Variants in LRFN5 observed in about 807,000 individuals in gnomAD.
LRFN5 encodes leucine-rich repeat and fibronectin type-III domain-containing protein 5.
Under a neutral mutation model 45.6 loss-of-function variants are expected in LRFN5, and 24 were observed. The ratio of observed to expected loss-of-function variants is 0.53; its 90% CI spans 0.38 to 0.74. The LOEUF (loss-of-function observed/expected upper bound fraction) is 0.74, where lower values mean the gene tolerates loss of function less well. Ranked by LOEUF, LRFN5 falls within the 30% of genes least tolerant of loss-of-function variation. The probability of loss-of-function intolerance (pLI) is 0.00; values close to 1 mark genes in which losing one functional copy is unlikely to be tolerated. For missense variants in LRFN5, 776 were observed against 861.5 expected (o/e 0.90, Z 1.24); for synonymous variants, 340 against 313.8 (o/e 1.08, Z -0.88).
At chr14:41,621,389 A>C (rs1233991891) in intron 1 of LRFN5, among the ~76,000 whole-genome samples, 1 of 152,092 alleles carries the variant, frequency 6.6e-6, no homozygotes, top group Non-Finnish European at 1.5e-5. Flanking sequence ...GCTGAATTTA[A>C]ATGGAGTTAG....
intron 5 of LRFN5, among the ~76,000 whole-genome samples, chr14:41,902,838 A>G (rs1891142694): frequency 6.6e-6 from 1 of 151,752 alleles, no homozygotes; most frequent in East Asian, 1.9e-4. Context: ...CACTTGAAAT[A>G]TAAAAAGAGA....
intron 1 of LRFN5, among the ~76,000 whole-genome samples, chr14:41,756,882 G>A (rs892600129): frequency 2.0e-5 from 3 of 152,110 alleles, no homozygotes; most frequent in African/African-American, 7.2e-5. Context: ...CCGCATCTTT[G>A]TGGTTTTATC....
chr14:41,786,943 T>G (rs1886743995), intron 2 of LRFN5, among the ~76,000 whole-genome samples: 1 of 152,092 alleles, frequency 6.6e-6, no homozygotes, highest in African/African-American at 2.4e-5. Context: ...TGTTTTTCAT[T>G]TTGCATATTG....
intron 2 of LRFN5, among the ~76,000 whole-genome samples, chr14:41,809,645 A>C (rs1887672337): frequency 6.6e-6 from 1 of 151,724 alleles, no homozygotes; most frequent in Admixed American, 6.6e-5. Flanking sequence ...CTAATATTTT[A>C]AATATATGTT....
At chr14:41,776,454 A>G (rs1886296340) in intron 2 of LRFN5, among the ~76,000 whole-genome samples, 1 of 152,164 alleles carries the variant, frequency 6.6e-6, no homozygotes. Context: ...TATGCGAATA[A>G]CACAGAGATA....
intron 2 of LRFN5, among the ~76,000 whole-genome samples, chr14:41,782,557 T>C (rs932017536): frequency 6.6e-6 from 1 of 152,200 alleles, no homozygotes; most frequent in African/African-American, 2.4e-5. Flanking sequence ...CTCTTTAAAC[T>C]GTTTCTCTTG....
At chr14:41,852,152 G>T (rs1453422126) in intron 2 of LRFN5, among the ~76,000 whole-genome samples, 1 of 151,558 alleles carries the variant, frequency 6.6e-6, no homozygotes. Context: ...CTTCTTTTAA[G>T]ATGTTAAAAA....
chr14:41,688,428 C>G (rs996629565), intron 1 of LRFN5, among the ~76,000 whole-genome samples: 5 of 150,192 alleles, frequency 3.3e-5, no homozygotes, highest in East Asian at 3.9e-4. Flanking sequence ...GTCATGTACC[C>G]CATAAACATA....
At chr14:41,656,240 A>T (rs1051971064) in intron 1 of LRFN5, among the ~76,000 whole-genome samples, 1 of 152,006 alleles carries the variant, frequency 6.6e-6, no homozygotes, top group Non-Finnish European at 1.5e-5. Flanking sequence ...AAATTAAAAA[A>T]TATCCAGATT....
chr14:41,670,198 A>C (rs1881111932), intron 1 of LRFN5, among the ~76,000 whole-genome samples: 1 of 84,302 alleles, frequency 1.2e-5, no homozygotes, highest in Non-Finnish European at 2.1e-5. Flanking sequence ...ATATATATAC[A>C]TTCTCTGTGT....
chr14:41,785,053 C>T (rs1460391038), intron 2 of LRFN5, among the ~76,000 whole-genome samples: 1 of 151,936 alleles, frequency 6.6e-6, no homozygotes, highest in African/African-American at 2.4e-5. Context: ...AAATCTATTT[C>T]AAATAATATG....
At chr14:41,671,704 C>T (rs1481395728) in intron 1 of LRFN5, among the ~76,000 whole-genome samples, 2 of 143,744 alleles carry the variant, frequency 1.4e-5, no homozygotes, top group East Asian at 4.4e-4. Flanking sequence ...GCAACCTCTG[C>T]CTCCTGGGTT....
At chr14:41,617,443 G>A (rs1333527168) in intron 1 of LRFN5, among the ~76,000 whole-genome samples, 4 of 152,040 alleles carry the variant, frequency 2.6e-5, no homozygotes, top group African/African-American at 7.2e-5. Flanking sequence ...ACACCTAGGG[G>A]ATTGCCCTTT....
intron 1 of LRFN5, among the ~76,000 whole-genome samples, chr14:41,671,291 T>A (rs2138659477): frequency 6.6e-6 from 1 of 152,260 alleles, no homozygotes; most frequent in East Asian, 1.9e-4. Context: ...TAATGTCAAT[T>A]GCAAACTAAT....
intron 2 of LRFN5, among the ~76,000 whole-genome samples, chr14:41,869,000 T>C (rs998703081): frequency 9.2e-5 from 14 of 152,186 alleles, no homozygotes; most frequent in Non-Finnish European, 1.8e-4. Flanking sequence ...TCCATCACCA[T>C]TTAAATATGT....
At chr14:41,844,095 G>A (rs59416658) in intron 2 of LRFN5, among the ~76,000 whole-genome samples, 22,050 of 152,118 alleles carry the variant, frequency 0.14, 1,921 homozygotes, top group Non-Finnish European at 0.2. Flanking sequence ...TAGAGAAATG[G>A]AAAAGATAAC....
intron 2 of LRFN5, among the ~76,000 whole-genome samples, chr14:41,874,048 A>G (rs1169988864): frequency 6.6e-6 from 1 of 152,176 alleles, no homozygotes; most frequent in Non-Finnish European, 1.5e-5. Context: ...AACCTTTTTT[A>G]TGTCCTTTCA....
intron 1 of LRFN5, among the ~76,000 whole-genome samples, chr14:41,719,906 A>G (rs906067722): frequency 6.6e-6 from 1 of 152,016 alleles, no homozygotes; most frequent in Non-Finnish European, 1.5e-5. Flanking sequence ...TCATATATGT[A>G]TATCTGAACT....
chr14:41,704,893 A>G (rs139512429), intron 1 of LRFN5, among the ~76,000 whole-genome samples: 2 of 152,288 alleles, frequency 1.3e-5, no homozygotes, highest in East Asian at 3.9e-4. Flanking sequence ...ATTGTAAGCA[A>G]TTAGGTTTCT....
Sources: gnomAD v4.1 joint callset for allele counts (sites outside exome capture counted in the v4.1 genomes callset) on GRCh38, gnomAD v4.1.1 for gene constraint, MANE v1.5 for transcripts, NCBI Gene and HGNC (gene_info 2026-07-23, HGNC 2026-07-21) for gene names.